Variants in ARL15 observed in about 807,000 individuals in gnomAD.
ARL15 encodes ADP-ribosylation factor-like protein 15.
A neutral mutation model predicts 25.2 loss-of-function variants in ARL15; 19 were observed. The observed-to-expected ratio is 0.75, with a 90% confidence interval of 0.53 to 1.10. ARL15 has a LOEUF of 1.10. Among genes scored for constraint, ARL15 ranks in the 50% least tolerant of loss-of-function variants. ARL15 has a pLI of 0.00. For missense variants in ARL15, 220 were observed against 246.0 expected, an observed-to-expected ratio of 0.89 and a Z score of 0.71; for synonymous variants, 94 against 86.8, an observed-to-expected ratio of 1.08 and a Z score of -0.46.
intron 1 of ARL15, among the ~76,000 whole-genome samples, chr5:54,220,745 C>T (rs757445177): frequency 6.7e-6 from 1 of 149,966 alleles, no homozygotes; most frequent in Non-Finnish European, 1.5e-5. Flanking sequence ...GCAGTGTCCC[C>T]TAGCAAGAGA....
At chr5:54,053,102 T>G (rs1750747693) in intron 4 of ARL15, among the ~76,000 whole-genome samples, 1 of 152,132 alleles carries the variant, frequency 6.6e-6, no homozygotes, top group African/African-American at 2.4e-5. Flanking sequence ...ATCCAAAGTA[T>G]GAACCAGGCT....
intron 1 of ARL15, among the ~76,000 whole-genome samples, chr5:54,212,838 G>A (rs1391286837): frequency 6.6e-6 from 1 of 152,120 alleles, no homozygotes; most frequent in Non-Finnish European, 1.5e-5. Flanking sequence ...TTTAATGGGG[G>A]GGAGATGCAG....
intron 4 of ARL15, among the ~76,000 whole-genome samples, chr5:53,973,212 TAA>T (rs1369202015): frequency 7.1e-6 from 1 of 141,190 alleles, no homozygotes; most frequent in Non-Finnish European, 1.6e-5. Context: ...AAACTTGATT[TAA>T]AGTTTTTTAA....
intron 3 of ARL15, among the ~76,000 whole-genome samples, chr5:54,147,402 G>A (rs1285117042): frequency 6.6e-6 from 1 of 152,104 alleles, no homozygotes; most frequent in African/African-American, 2.4e-5. Context: ...ATAAATAGAG[G>A]TGATTTATTA....
At chr5:54,191,250 T>C (rs576216836) in intron 1 of ARL15, among the ~76,000 whole-genome samples, 9 of 152,232 alleles carry the variant, frequency 5.9e-5, no homozygotes, top group East Asian at 1.9e-4. Context: ...TTATATAAGA[T>C]AGAATTAGTC....
chr5:54,161,410 T>C (rs1754397498), intron 2 of ARL15, among the ~76,000 whole-genome samples: 1 of 152,182 alleles, frequency 6.6e-6, no homozygotes, highest in East Asian at 1.9e-4. Flanking sequence ...GTAACAATCA[T>C]AATGTCACCT....
At chr5:54,030,756 T>A (rs1158513951) in intron 4 of ARL15, among the ~76,000 whole-genome samples, 1 of 152,020 alleles carries the variant, frequency 6.6e-6, no homozygotes, top group Admixed American at 6.5e-5. Context: ...TGCCATGATA[T>A]CAAGATGAGA....
chr5:54,130,251 T>G (rs1475465984), intron 3 of ARL15, among the ~76,000 whole-genome samples: 1 of 152,068 alleles, frequency 6.6e-6, no homozygotes, highest in African/African-American at 2.4e-5. Flanking sequence ...AGCAAAACCA[T>G]AAAATGTTTA....
At chr5:54,108,115 T>C (rs563091005) in intron 4 of ARL15, among the ~76,000 whole-genome samples, 16 of 152,280 alleles carry the variant, frequency 1.1e-4, no homozygotes, top group African/African-American at 3.8e-4. Context: ...AAAATACACT[T>C]AAAATAATGA....
chr5:54,001,211 C>T (rs1033320900), intron 4 of ARL15, among the ~76,000 whole-genome samples: 1 of 152,156 alleles, frequency 6.6e-6, no homozygotes, highest in African/African-American at 2.4e-5. Flanking sequence ...ACTCAGTAAT[C>T]CACCCTCCCT....
chr5:54,200,409 C>T (rs11748223), intron 1 of ARL15, among the ~76,000 whole-genome samples: 10,862 of 151,744 alleles, frequency 0.072, 503 homozygotes, highest in Middle Eastern at 0.14. Context: ...AAGTCCTCAT[C>T]GGAGGCACTG....
At chr5:53,930,537 T>C (rs892821096) in intron 4 of ARL15, among the ~76,000 whole-genome samples, 3 of 152,202 alleles carry the variant, frequency 2.0e-5, no homozygotes, top group Non-Finnish European at 4.4e-5. Flanking sequence ...GTAAGAGATA[T>C]ATTTGTTAGA....
At chr5:54,020,805 A>AAAT (rs55803308) in intron 4 of ARL15, among the ~76,000 whole-genome samples, 5 of 150,886 alleles carry the variant, frequency 3.3e-5, no homozygotes, top group Non-Finnish European at 1.5e-5. Context: ...AGAAAAAAAA[A>AAAT]TTAGCTGGCT....
Position 53,886,436 on chromosome 5 carries a change from T to C in ARL15, c.*125A>G, listed in dbSNP as rs561470665. On this transcript the variant is annotated 3_prime_UTR_variant, in exon 5 of 5. Transcript: ENST00000504924. ...ATTCACTTTAATAGAGAGATGAGAG[T>C]CTGAAATGACCAGAGGAAAATAGAT... 4.9e-6 allele frequency: 5 copies of C among 1,019,240 alleles called. No individual in the cohort carries two copies. The African/African-American group carries it at 8.2e-5, about 17-fold the overall frequency. 63.1% of individuals were successfully genotyped at this position (1,019,240 alleles called of 1,614,324 possible).
chr5:54,206,594 C>CA (rs1055579742), intron 1 of ARL15, among the ~76,000 whole-genome samples: 15 of 151,806 alleles, frequency 9.9e-5, no homozygotes, highest in African/African-American at 3.4e-4. Flanking sequence ...GATAAGAAAA[C>CA]AAAAAATATC....
chr5:54,169,866 G>T (rs933363147), intron 2 of ARL15, among the ~76,000 whole-genome samples: 7 of 152,260 alleles, frequency 4.6e-5, no homozygotes, highest in African/African-American at 1.2e-4. Context: ...CATGAGCTCT[G>T]CTAATCTTCT....
chr5:54,085,598 G>A (rs1403357871), intron 4 of ARL15, among the ~76,000 whole-genome samples: 1 of 151,966 alleles, frequency 6.6e-6, no homozygotes, highest in Non-Finnish European at 1.5e-5. Flanking sequence ...TATTAGTATT[G>A]GTTTAAAACA....
chr5:53,959,627 T>C (rs1047439068), intron 4 of ARL15, among the ~76,000 whole-genome samples: 1 of 152,154 alleles, frequency 6.6e-6, no homozygotes, highest in Non-Finnish European at 1.5e-5. Flanking sequence ...GCACTGGCTA[T>C]AGAGGTGCAG....
chr5:54,287,166 C>A (rs900762483), intron 1 of ARL15, among the ~76,000 whole-genome samples: 2 of 152,066 alleles, frequency 1.3e-5, no homozygotes, highest in African/African-American at 4.8e-5. Flanking sequence ...AGGAATGAGC[C>A]ACTGTACCTG....
Sources: allele counts gnomAD v4.1 joint callset (sites outside exome capture counted in the v4.1 genomes callset), GRCh38; gene constraint gnomAD v4.1.1; transcripts MANE v1.5; gene names NCBI Gene and HGNC (gene_info 2026-07-23, HGNC 2026-07-21).